The following KANSL1 variants were observed in gnomAD, a reference collection of about 807,000 sequenced individuals.
KANSL1 encodes MLL1/MLL complex subunit KANSL1.
Under a neutral mutation model 103.6 loss-of-function variants are expected in KANSL1, and 22 were observed. The ratio of observed to expected loss-of-function variants is 0.21; its 90% CI spans 0.15 to 0.30. The LOEUF (loss-of-function observed/expected upper bound fraction) is 0.30, where lower values mean the gene tolerates loss of function less well. Among genes scored for constraint, KANSL1 ranks in the 10% least tolerant of loss-of-function variants. The probability of loss-of-function intolerance (pLI) is 1.00; values close to 1 mark genes in which losing one functional copy is unlikely to be tolerated. For missense variants in KANSL1, 1,337 were observed against 1,399.8 expected, an observed-to-expected ratio of 0.96 and a Z score of 0.72; for synonymous variants, 600 against 527.6, an observed-to-expected ratio of 1.14 and a Z score of -1.88.
intron 1 of KANSL1, among the ~76,000 whole-genome samples, chr17:46,183,961 C>CT (rs2046907905): frequency 6.6e-6 from 1 of 152,188 alleles, no homozygotes; most frequent in Admixed American, 6.5e-5. Context: ...GCCTATACAA[C>CT]TACTTCAAGC....
At chr17:46,129,416 T>TA (rs1321118006) in intron 2 of KANSL1, among the ~76,000 whole-genome samples, 5 of 152,168 alleles carry the variant, frequency 3.3e-5, no homozygotes, top group East Asian at 1.9e-4. Context: ...CGTATATATA[T>TA]AAAAAAACTG....
upstream of KANSL1, among the ~76,000 whole-genome samples, chr17:46,195,091 T>C (rs8071040): frequency 1.3e-5 from 2 of 152,358 alleles, no homozygotes; most frequent in Non-Finnish European, 2.9e-5. Flanking sequence ...ACTTTTTTAT[T>C]GTACACACAT....
At chr17:46,071,982 A>T (rs1029464) in intron 4 of KANSL1, among the ~76,000 whole-genome samples, 1 of 98,984 alleles carries the variant, frequency 1.0e-5, no homozygotes. Context: ...TGCTCCCCCC[A>T]CCCCTCCCCC....
intron 1 of KANSL1, among the ~76,000 whole-genome samples, chr17:46,208,725 G>A (rs1166681266): frequency 3.3e-5 from 5 of 151,422 alleles, no homozygotes; most frequent in South Asian, 2.1e-4. Context: ...TCCTCTCCGC[G>A]TCAGTCTGTC....
At chr17:46,096,608 C>T (rs2042097008) in intron 2 of KANSL1, among the ~76,000 whole-genome samples, 1 of 151,952 alleles carries the variant, frequency 6.6e-6, no homozygotes, top group Non-Finnish European at 1.5e-5. Flanking sequence ...GCACGAGCCA[C>T]TGCACCCAGC....
chr17:46,206,934 T>C (rs1168118343), intron 1 of KANSL1, among the ~76,000 whole-genome samples: 34 of 151,980 alleles, frequency 2.2e-4, no homozygotes, highest in Non-Finnish European at 4.4e-5. Flanking sequence ...GGGATTTGTA[T>C]CTAGTATATT....
chr17:46,103,127 G>A (rs2042391364), intron 2 of KANSL1, among the ~76,000 whole-genome samples: 1 of 152,224 alleles, frequency 6.6e-6, no homozygotes, highest in African/African-American at 2.4e-5. Context: ...AATGGATACA[G>A]GTAGGCAGGG....
intron 2 of KANSL1, among the ~76,000 whole-genome samples, chr17:46,165,709 C>T (rs1035856414): frequency 4.6e-5 from 7 of 151,176 alleles, no homozygotes; most frequent in African/African-American, 1.7e-4. Flanking sequence ...CGGGGTTTCA[C>T]CATGTTGGCC....
chr17:46,174,209 A>G (rs1326028597), intron 1 of KANSL1, among the ~76,000 whole-genome samples: 4 of 152,184 alleles, frequency 2.6e-5, no homozygotes, highest in African/African-American at 7.2e-5. Context: ...TGTGTTTAAC[A>G]GAGTCTTGCT....
rs372673647 is a variant in KANSL1, at chr17:46,055,406, A to G, written c.1849-4702T>C. Among the ~76,000 whole-genome samples, 7 of 151,686 alleles carry G rather than the reference A, an allele frequency of 4.6e-5. No individual in the cohort carries two copies. The East Asian group carries it at 1.2e-3, about 26-fold the overall frequency. On this transcript the variant is annotated intron_variant, in intron 6 of 14. Coordinates refer to ENST00000432791, the MANE Select transcript of KANSL1 (RefSeq NM_015443.4). ...CTTGAACCCAGGAGGCAGACGTTAC[A>G]GTGAGCTGAGATCGCACCACTGCAC... is the stretch of plus-strand genomic sequence containing the variant.
intron 1 of KANSL1, among the ~76,000 whole-genome samples, chr17:46,220,463 G>A (rs2458209): frequency 6.0e-5 from 9 of 150,540 alleles, no homozygotes; most frequent in Non-Finnish European, 1.0e-4. Flanking sequence ...TGATCCGCCC[G>A]CCTCGGCCTC....
At chr17:46,062,948 A>G (rs1466543988) in intron 6 of KANSL1, among the ~76,000 whole-genome samples, 2 of 151,990 alleles carry the variant, frequency 1.3e-5, no homozygotes, top group Non-Finnish European at 2.9e-5. Context: ...TACTCGGGAG[A>G]ATGAGGCAGG....
chr17:46,168,265 A>G (rs879939464), intron 2 of KANSL1, among the ~76,000 whole-genome samples: 3 of 152,230 alleles, frequency 2.0e-5, no homozygotes, highest in Non-Finnish European at 4.4e-5. Flanking sequence ...CTAAATAAAT[A>G]CCAGCCTTAA....
intron 1 of KANSL1, among the ~76,000 whole-genome samples, chr17:46,213,815 G>A (rs1180260597): frequency 2.6e-5 from 4 of 152,008 alleles, no homozygotes; most frequent in African/African-American, 9.7e-5. Context: ...ATACTCAGGA[G>A]GCTGAGGAAC....
At chr17:46,164,960 T>C (rs182221202) in intron 2 of KANSL1, among the ~76,000 whole-genome samples, 27 of 152,282 alleles carry the variant, frequency 1.8e-4, no homozygotes, top group African/African-American at 6.5e-4. Flanking sequence ...AGAAAAATGA[T>C]AGCCGGGTGT....
chr17:46,181,158 T>A (rs1474335041), intron 1 of KANSL1, among the ~76,000 whole-genome samples: 1 of 152,330 alleles, frequency 6.6e-6, no homozygotes, highest in South Asian at 2.1e-4. Context: ...GCCAAATATA[T>A]GACAAACAAA....
intron 2 of KANSL1, among the ~76,000 whole-genome samples, chr17:46,100,514 C>T (rs1413635181): frequency 6.7e-6 from 1 of 150,286 alleles, no homozygotes; most frequent in Non-Finnish European, 1.5e-5. Flanking sequence ...TAATTTTTTT[C>T]CTTGCAAATT....
intron 3 of KANSL1, among the ~76,000 whole-genome samples, chr17:46,087,732 C>T (rs3912061): frequency 0.14 from 21,791 of 152,164 alleles, 2,129 homozygotes; most frequent in Non-Finnish European, 0.22. Context: ...TTGAGCTATA[C>T]TTATTCATTA....
intron 1 of KANSL1, among the ~76,000 whole-genome samples, chr17:46,217,266 A>C (rs1382467814): frequency 1.3e-5 from 2 of 152,156 alleles, no homozygotes; most frequent in Non-Finnish European, 2.9e-5. Context: ...ACTTGAGGTC[A>C]GGAGTTCGAG....
Sources: allele counts gnomAD v4.1 joint callset (sites outside exome capture counted in the v4.1 genomes callset), GRCh38; gene constraint gnomAD v4.1.1; transcripts MANE v1.5; gene names NCBI Gene and HGNC (gene_info 2026-07-23, HGNC 2026-07-21).